WIF1: variants seen among roughly 807,000 people sequenced by gnomAD.
WIF1 encodes Wnt inhibitory factor 1.
In WIF1, 35 loss-of-function variants were observed where a neutral mutation model predicts 53.5. The observed-to-expected ratio is 0.65, with a 90% CI of 0.50 to 0.87. The LOEUF (loss-of-function observed/expected upper bound fraction) is 0.87. Among genes scored for constraint, WIF1 ranks in the 40% least tolerant of loss-of-function variants. The pLI, the probability that WIF1 is intolerant of heterozygous loss-of-function variation, is 0.00. For missense variants in WIF1, 467 were observed against 476.8 expected, an observed-to-expected ratio of 0.98 and a Z score of 0.19; for synonymous variants, 171 against 170.4, an observed-to-expected ratio of 1.00 and a Z score of -0.03.
At chr12:65,078,058 A>C (rs923660000) in intron 2 of WIF1, among the ~76,000 whole-genome samples, 4 of 152,050 alleles carry the variant, frequency 2.6e-5, no homozygotes, top group Non-Finnish European at 5.9e-5. Context: ...CATTAAAAAC[A>C]GCCACAATAG....
intron 2 of WIF1, among the ~76,000 whole-genome samples, chr12:65,100,952 C>G (rs1260468436): frequency 6.6e-6 from 1 of 152,146 alleles, no homozygotes; most frequent in Non-Finnish European, 1.5e-5. Context: ...AACTACCCTA[C>G]TGCCCTTAAG....
rs1196116247 is a variant in WIF1, at chr12:65,121,186, G to A, written c.6C>T (p.Ala2=). ...CGGCGGCAGGGAAGGCGCTCCTCCGGGCCATGCTGCTCAGGACCTCCTCGC... is the reference window on the plus strand; with the variant it reads ...CGGCGGCAGGGAAGGCGCTCCTCCGAGCCATGCTGCTCAGGACCTCCTCGC... M[A]RRSAFPAAAL... Residue 2 remains alanine (A), a synonymous_variant, in exon 1 of 10, where the codon GCC becomes GCT. Coordinates refer to ENST00000286574, the MANE Select transcript of WIF1 (RefSeq NM_007191.5). 7.8e-6 allele frequency: 12 copies of A among 1,534,506 alleles called. No individual in the cohort carries two copies. The highest frequency in any genetic ancestry group is 1.1e-5 in the Non-Finnish European group (12 of 1,138,800).
At chr12:65,054,940 G>A (rs1488519864) in intron 9 of WIF1, among the ~76,000 whole-genome samples, 178 bp downstream of exon 9, 1 of 152,232 alleles carries the variant, frequency 6.6e-6, no homozygotes, top group Admixed American at 6.5e-5. Flanking sequence ...GTATGGGGGA[G>A]AAGAGGCAGA....
intron 3 of WIF1, among the ~76,000 whole-genome samples, chr12:65,075,670 A>C (rs1882850426): frequency 1.3e-5 from 2 of 152,214 alleles, no homozygotes; most frequent in South Asian, 4.1e-4. Flanking sequence ...AAAATGCTAG[A>C]TGCATATGAA....
At chr12:65,059,422 T>A (rs1300881242) in intron 7 of WIF1, among the ~76,000 whole-genome samples, 1 of 152,230 alleles carries the variant, frequency 6.6e-6, no homozygotes, top group Non-Finnish European at 1.5e-5. Context: ...CCCACTCAGT[T>A]ATTTTTAAAA....
In WIF1 at chr12:65,057,310, T is replaced by C. The variant is rs190859697; in HGVS notation, c.827-1184A>G. On this transcript the variant is annotated intron_variant, in intron 7 of 9. Coordinates refer to ENST00000286574, the MANE Select transcript of WIF1 (RefSeq NM_007191.5). Reference sequence around the variant, plus strand: ...AGGTCCATAATGATACTTGGTAATTTCTTTTATCTCTTTGCCCAATGAGTA... The same window carrying C: ...AGGTCCATAATGATACTTGGTAATTCCTTTTATCTCTTTGCCCAATGAGTA... Among the ~76,000 whole-genome samples, 16 of 152,310 alleles carry C rather than the reference T, an allele frequency of 1.1e-4. No individual in the cohort carries two copies. In the East Asian group the frequency reaches 3.1e-3, roughly 29 times the overall value.
intron 3 of WIF1, among the ~76,000 whole-genome samples, chr12:65,073,346 G>A (rs532281039): frequency 1.3e-5 from 2 of 152,290 alleles, no homozygotes; most frequent in East Asian, 3.9e-4. Context: ...ATTTAACAGT[G>A]TAGACATTGG....
rs1310299825 is a variant in WIF1 at position 65,121,254 on chromosome 12, C to G, written c.-63G>C. On this transcript the variant is annotated 5_prime_UTR_variant, in exon 1 of 10. Coordinates refer to ENST00000286574, the MANE Select transcript of WIF1 (RefSeq NM_007191.5). Reference sequence around the variant, plus strand: ...GTGCCGCACCTACGCAACCTGGCGCCGTCAGATACTCTGCTGCGCTGCAGC... The same window carrying G: ...GTGCCGCACCTACGCAACCTGGCGCGGTCAGATACTCTGCTGCGCTGCAGC... 3 of 1,374,420 alleles carry G rather than the reference C, an allele frequency of 2.2e-6. No individual in the cohort carries two copies. The highest frequency in any genetic ancestry group is 2.9e-5 in the East Asian group (1 of 34,578). The allele number at this position is 1,374,420 out of a possible 1,614,324, so 85.1% of individuals were successfully genotyped here.
intron 2 of WIF1, among the ~76,000 whole-genome samples, chr12:65,108,028 GA>G (rs1883376169): frequency 6.6e-6 from 1 of 152,210 alleles, no homozygotes. Flanking sequence ...AGTATGCTCT[GA>G]AGAACACCAG....
At chr12:65,080,599 T>TA (rs1311338203) in intron 2 of WIF1, among the ~76,000 whole-genome samples, 1 of 152,214 alleles carries the variant, frequency 6.6e-6, no homozygotes, top group Non-Finnish European at 1.5e-5. Context: ...CATACTGTTC[T>TA]AAAACGTATT....
chr12:65,081,823 T>C (rs913219133), intron 2 of WIF1, among the ~76,000 whole-genome samples: 3 of 151,744 alleles, frequency 2.0e-5, no homozygotes, highest in African/African-American at 7.3e-5. Flanking sequence ...ATTGCCTCTT[T>C]AAAAATTCTA....
intron 8 of WIF1, 25 bp from the exon 9 acceptor site, chr12:65,055,238 G>A: frequency 1.2e-6 from 2 of 1,605,936 alleles, no homozygotes; most frequent in Middle Eastern, 1.7e-4. Context: ...AATAAAAAGA[G>A]TATTTCCTGA....
At chr12:65,104,067 C>T (rs955574213) in intron 2 of WIF1, among the ~76,000 whole-genome samples, 1 of 151,924 alleles carries the variant, frequency 6.6e-6, no homozygotes, top group Admixed American at 6.6e-5. Context: ...TCCAGCCCAC[C>T]GCCAAAAAAA....
At position 65,056,011 on chromosome 12, in the gene WIF1, A is replaced by T; in HGVS notation, c.922+20T>A. The T allele has an allele frequency of 6.2e-7, 1 of 1,606,784 alleles. No homozygotes were observed. The highest frequency in any genetic ancestry group is 8.5e-7 in the Non-Finnish European group (1 of 1,176,724). ...TAACGACCTAGTAGCCCAGATTGGCAATGTGTATGGGGTACTTACGCTTTG... is the reference window on the plus strand; with the variant it reads ...TAACGACCTAGTAGCCCAGATTGGCTATGTGTATGGGGTACTTACGCTTTG... On this transcript the variant is annotated intron_variant, in intron 8 of 9. Coordinates refer to ENST00000286574, the MANE Select transcript of WIF1 (RefSeq NM_007191.5).
chr12:65,074,382 G>A (rs1461221693), intron 3 of WIF1, among the ~76,000 whole-genome samples: 1 of 151,720 alleles, frequency 6.6e-6, no homozygotes, highest in African/African-American at 2.4e-5. Context: ...GGACTATGAT[G>A]AGCTTATATT....
chr12:65,061,107 G>A (rs1036228493), intron 7 of WIF1, among the ~76,000 whole-genome samples: 2 of 152,098 alleles, frequency 1.3e-5, no homozygotes, highest in Admixed American at 6.6e-5. Flanking sequence ...TCTTTATCCG[G>A]GAAGGGTAAT....
At chr12:65,115,470 G>C (rs1235533263) in intron 2 of WIF1, among the ~76,000 whole-genome samples, 1 of 152,164 alleles carries the variant, frequency 6.6e-6, no homozygotes, top group African/African-American at 2.4e-5. Context: ...ATTGGGCTTA[G>C]AAAGGGTTAT....
intron 2 of WIF1, among the ~76,000 whole-genome samples, chr12:65,096,172 G>C (rs1291705089): frequency 2.6e-5 from 4 of 151,946 alleles, no homozygotes; most frequent in African/African-American, 9.6e-5. Context: ...AAATTTACAA[G>C]AAACAAACAA....
At chr12:65,065,337 G>T (rs1426006583) in intron 6 of WIF1, among the ~76,000 whole-genome samples, 1 of 152,076 alleles carries the variant, frequency 6.6e-6, no homozygotes, top group Non-Finnish European at 1.5e-5. Context: ...GCTGAATTAG[G>T]TAGCCTGGGT....
Sources: allele counts gnomAD v4.1 joint callset (sites outside exome capture counted in the v4.1 genomes callset), GRCh38; gene constraint gnomAD v4.1.1; transcripts MANE v1.5; gene names NCBI Gene and HGNC (gene_info 2026-07-23, HGNC 2026-07-21).